The following SELPLG variants were observed in gnomAD, a reference collection of about 807,000 sequenced individuals.
SELPLG encodes selectin P ligand.
In SELPLG, 2 loss-of-function variants were observed where a neutral mutation model predicts 1.1. That is an observed-to-expected ratio of 1.82 (90% confidence interval 0.74 to 5.71). SELPLG has a LOEUF of 5.71. Ranked by LOEUF, SELPLG falls within the 30% of genes most tolerant of loss-of-function variation. The pLI is 0.05. For missense variants in SELPLG, 478 were observed against 524.7 expected, an observed-to-expected ratio of 0.91 and a Z score of 0.87; for synonymous variants, 230 against 221.2, an observed-to-expected ratio of 1.04 and a Z score of -0.35.
In SELPLG at chr12:108,623,933, T is replaced by G; in HGVS notation, c.375A>C (p.Gln125His). 1 of 1,613,738 alleles carries G rather than the reference T, an allele frequency of 6.2e-7. No homozygotes were observed. The highest frequency in any genetic ancestry group is 1.3e-5 in the African/African-American group (1 of 74,968). Residue 125 changes from glutamine to histidine, a missense_variant, in exon 2 of 2, where the codon CAA (glutamine) becomes CAC (histidine). Physicochemically the swap from Gln to His is conservative, Grantham distance 24. Coordinates refer to ENST00000550948, the MANE Select transcript of SELPLG (RefSeq NM_003006.4). ...TGGTCTGTGCCTCCGTGGCTGCTGG[T>G]TGAGTGGTCTGTATCTCCATAGCTG... Reference protein sequence around the residue: ...DSAAMEIQTTQPAATEAQTTQ... With the variant: ...DSAAMEIQTTHPAATEAQTTQ...
chr12:108,630,239 A>G (rs1461058787), intron 1 of SELPLG, among the ~76,000 whole-genome samples: 2 of 151,956 alleles, frequency 1.3e-5, no homozygotes, highest in African/African-American at 2.4e-5. Flanking sequence ...CCCCATCTAG[A>G]CCCCATATGG....
rs75217710 is a variant in SELPLG, at chr12:108,630,318, T to C, written c.-6+3422A>G. Among the ~76,000 whole-genome samples the C allele has an allele frequency of 1.5e-4, 23 of 152,322 alleles. No homozygotes were observed. The East Asian group carries it at 3.9e-3, about 26-fold the overall frequency. On this transcript the variant is annotated intron_variant, in intron 1 of 1. Transcript: ENST00000550948. The stretch of plus-strand genomic sequence containing the variant: ...GACTCCAGCTCCAGAGAACCCGCCG[T>C]GTGGCCGCCCTGAGCTGCTCAGGAA...
In SELPLG at chr12:108,623,772, G is replaced by A. The variant is rs765784409; in HGVS notation, c.536C>T (p.Thr179Met). 3.0e-5 allele frequency: 48 copies of A among 1,612,336 alleles called. No homozygotes were observed. Among genetic ancestry groups the A allele is most frequent in the African/African-American group, 1.3e-4 (10 of 74,446 alleles). The change falls in exon 2 of 2, where the codon ACG becomes ATG. Residue 179 changes from threonine (T) to methionine (M), a missense_variant. Thr to Met is a moderately conservative substitution (Grantham distance 81). Coordinates refer to ENST00000550948, the MANE Select transcript of SELPLG (RefSeq NM_003006.4). ...TGTGGGTTGAGTGGTCTGTGCTTCC[G>A]TGGCTGCTGGTGGAGTGGTCTGTGC... ...TEAQTTPPAA[T>M]EAQTTQPTGL... is the part of the protein sequence containing the mutation.
chr12:108,633,611 C>A (rs1339930634), intron 1 of SELPLG, 129 bp downstream of exon 1: 1 of 152,350 alleles, frequency 6.6e-6, no homozygotes, highest in Non-Finnish European at 1.5e-5. Context: ...CCTCAGTTTG[C>A]CCTCCCCAGG....
chr12:108,630,669 C>A (rs1394790686), intron 1 of SELPLG, among the ~76,000 whole-genome samples: 1 of 152,100 alleles, frequency 6.6e-6, no homozygotes, highest in Non-Finnish European at 1.5e-5. Context: ...GGTTCCTTAG[C>A]TGGAATACAA....
chr12:108,631,846 A>AAC (rs1244410678), intron 1 of SELPLG: 23 of 1,504,898 alleles, frequency 1.5e-5, no homozygotes, highest in Middle Eastern at 1.7e-4. Flanking sequence ...ACAGACCCCC[A>AAC]ACACACACAC....
chr12:108,622,813 C>T lies in SELPLG; in HGVS notation c.*256G>A, dbSNP rs2031845323. On this transcript the variant is annotated 3_prime_UTR_variant, in exon 2 of 2. Transcript: ENST00000550948. ...AGAGAATCTGTCTCAAGTAAATGGCCTCCTGCCTTGGACCTCGGCTGAAAT... is the reference window on the plus strand; with the variant it reads ...AGAGAATCTGTCTCAAGTAAATGGCTTCCTGCCTTGGACCTCGGCTGAAAT... 1 of 454,704 alleles carries T rather than the reference C, an allele frequency of 2.2e-6. No individual in the cohort carries two copies. The highest frequency in any genetic ancestry group is 3.9e-6 in the Non-Finnish European group (1 of 258,286). 28.2% of individuals were successfully genotyped at this position (454,704 alleles called of 1,614,324 possible). A position where few individuals can be genotyped will look rare whatever the true frequency, so the allele number is the denominator to read the frequency against.
chr12:108,622,780 G>A lies in SELPLG; in HGVS notation c.*289C>T, dbSNP rs567401572. ...GGGACCCAGAGAAGATGGGGGACAG[G>A]AAAAAGGAGAGAATCTGTCTCAAGT... On this transcript the variant is annotated 3_prime_UTR_variant, in exon 2 of 2. Coordinates refer to ENST00000550948, the MANE Select transcript of SELPLG (RefSeq NM_003006.4). 3 of 395,654 alleles carry A rather than the reference G, an allele frequency of 7.6e-6. No homozygotes were observed. Among genetic ancestry groups the A allele is most frequent in the Middle Eastern group, 6.5e-4 (1 of 1,544 alleles). 24.5% of individuals were successfully genotyped at this position (395,654 alleles called of 1,614,324 possible).
At chr12:108,626,219 C>G (rs2031934372) in intron 1 of SELPLG, among the ~76,000 whole-genome samples, 1 of 150,800 alleles carries the variant, frequency 6.6e-6, no homozygotes, top group Non-Finnish European at 1.5e-5. Context: ...ACTGCAACCT[C>G]CGCCTCCCGG....
At position 108,624,062 on chromosome 12, in the gene SELPLG, A is replaced by G; in HGVS notation, c.246T>C (p.Thr82=). The G allele has an allele frequency of 8.7e-6, 14 of 1,614,226 alleles. No individual in the cohort carries two copies. Among genetic ancestry groups the G allele is most frequent in the Non-Finnish European group, 1.2e-5 (14 of 1,180,028 alleles). The change falls in exon 2 of 2, where the codon ACT becomes ACC. Residue 82 remains threonine, a synonymous_variant. Coordinates refer to ENST00000550948, the MANE Select transcript of SELPLG (RefSeq NM_003006.4). ...TAGAACGCCTTGCAGCAGGCTCCAC[A>G]GTGGTAGACTCAGGGGTTCCAGGCC... ...LTGPGTPEST[T]VEPAARRSTG...
intron 1 of SELPLG, among the ~76,000 whole-genome samples, chr12:108,631,534 G>A (rs1343768296): frequency 1.3e-5 from 2 of 152,192 alleles, no homozygotes; most frequent in Non-Finnish European, 2.9e-5. Context: ...ATAGGCATGA[G>A]CCACGGTGAC....
At position 108,632,422 on chromosome 12, in the gene SELPLG, GTGTGTGAA is replaced by G. The variant is rs1200341498; in HGVS notation, c.-6+1310_-6+1317del. On this transcript the variant is annotated intron_variant, in intron 1 of 1. Coordinates refer to ENST00000550948, the MANE Select transcript of SELPLG (RefSeq NM_003006.4). ...TGTGTGTGTGTGTGTGTGTGTGTGT[GTGTGTGAA>G]TGTGTGTACAGCAGGGCACAACTGG... 5.0e-3 allele frequency among the ~76,000 whole-genome samples: 749 copies of G among 150,284 alleles called. 9 individuals carry two copies. Among genetic ancestry groups the G allele is most frequent in the African/African-American group, 0.018 (706 of 39,858 alleles).
chr12:108,624,190 G>T lies in SELPLG; in HGVS notation c.118C>A (p.Arg40=), dbSNP rs143908893. The T allele has an allele frequency of 6.2e-7, 1 of 1,614,096 alleles. No homozygotes were observed. Among genetic ancestry groups the T allele is most frequent in the South Asian group, 1.1e-5 (1 of 91,074 alleles). The change falls in exon 2 of 2, where the codon CGG becomes AGG. Residue 40 remains arginine (R), a synonymous_variant. Transcript: ENST00000550948. The part of the protein sequence containing the change: ...KALGPLLARD[R]RQATEYEYLD... Reference sequence around the variant, plus strand: ...TACTCATATTCGGTGGCCTGTCTCCGGTCCCGGGCAAGCAGGGGACCCAAG... The same window carrying T: ...TACTCATATTCGGTGGCCTGTCTCCTGTCCCGGGCAAGCAGGGGACCCAAG...
At chr12:108,624,403 C>A in intron 1 of SELPLG, 91 bp from the exon 2 acceptor site, 1 of 1,215,278 alleles carries the variant, frequency 8.2e-7, no homozygotes, top group Non-Finnish European at 1.1e-6. Context: ...ACTGCCACAG[C>A]TGGAAGCATG....
chr12:108,626,128 CTTTTTT>C (rs573374699), intron 1 of SELPLG, among the ~76,000 whole-genome samples: 1 of 125,748 alleles, frequency 8.0e-6, no homozygotes, highest in Non-Finnish European at 1.7e-5. Flanking sequence ...GGTTTCTTTT[CTTTTTT>C]TTTTTTTTTT....
At chr12:108,632,112 G>A in intron 1 of SELPLG, 1 of 606,782 alleles carries the variant, frequency 1.6e-6, no homozygotes. Flanking sequence ...CCCACTCTGG[G>A]CCCAGCCTAG....
rs912585867 is a variant in SELPLG, at chr12:108,622,069, C to A, written c.*1000G>T. On this transcript the variant is annotated 3_prime_UTR_variant, in exon 2 of 2. Transcript: ENST00000550948. ...TGGCCCCCCATAGCCTGAACTTTTC[C>A]TGGTCACCCAAGGATGTACAAGACC... Among the ~76,000 whole-genome samples, 1 of 152,154 alleles carries A rather than the reference C, an allele frequency of 6.6e-6. No homozygotes were observed. The highest frequency in any genetic ancestry group is 2.4e-5 in the African/African-American group (1 of 41,438).
intron 1 of SELPLG, among the ~76,000 whole-genome samples, chr12:108,627,438 G>A (rs1358251997): frequency 6.6e-6 from 1 of 152,014 alleles, no homozygotes; most frequent in Non-Finnish European, 1.5e-5. Flanking sequence ...TTTACCGGGT[G>A]CCATGCAGGG....
At chr12:108,631,860 A>G in intron 1 of SELPLG, 1 of 1,532,526 alleles carries the variant, frequency 6.5e-7, no homozygotes, top group Non-Finnish European at 8.7e-7. Context: ...CACACACACC[A>G]GCCATCTTAT....
Sources: gnomAD v4.1 joint callset for allele counts (sites outside exome capture counted in the v4.1 genomes callset) on GRCh38, gnomAD v4.1.1 for gene constraint, MANE v1.5 for transcripts, NCBI Gene and HGNC (gene_info 2026-07-23, HGNC 2026-07-21) for gene names.